DIAPH2: variants seen among roughly 807,000 people sequenced by gnomAD.
The protein encoded by DIAPH2 is diaphanous related formin 2.
Under a neutral mutation model 92.7 loss-of-function variants are expected in DIAPH2, and 35 were observed. The ratio of observed to expected loss-of-function variants is 0.38; its 90% CI spans 0.29 to 0.50. The LOEUF is 0.50. Among genes scored for constraint, DIAPH2 ranks in the 20% least tolerant of loss-of-function variants. The pLI is 0.94. For missense variants in DIAPH2, 701 were observed against 819.5 expected (o/e 0.86, Z 1.77); for synonymous variants, 301 against 280.4 (o/e 1.07, Z -0.73).
intron 23 of DIAPH2, among the ~76,000 whole-genome samples, chrX:97,334,840 G>T (rs1290833727): frequency 3.7e-5 from 4 of 107,313 alleles, no homozygotes; most frequent in Non-Finnish European, 7.7e-5. Flanking sequence ...AAATAGTCGG[G>T]TGTGGTGGCA....
intron 17 of DIAPH2, among the ~76,000 whole-genome samples, chrX:96,979,845 T>C (rs2065983399): frequency 8.9e-6 from 1 of 111,776 alleles, no homozygotes; most frequent in Non-Finnish European, 1.9e-5. Context: ...TGGCGGAAAC[T>C]GGAATGAGGG....
intron 23 of DIAPH2, among the ~76,000 whole-genome samples, chrX:97,332,699 A>T (rs756741080): frequency 3.6e-5 from 4 of 111,837 alleles, no homozygotes; most frequent in Non-Finnish European, 7.5e-5. Flanking sequence ...ATATGTACAT[A>T]TTCATTCCAA....
In DIAPH2 at chrX:96,962,338, C is replaced by CAT. The variant is rs59386635; in HGVS notation, c.1936-2743_1936-2742dup. Among the ~76,000 whole-genome samples the CAT allele has an allele frequency of 3.3e-3, 110 of 33,480 alleles. 3 individuals carry two copies. The South Asian group carries it at 0.076, about 23-fold the overall frequency. 29.1% of individuals were successfully genotyped at this position (33,480 alleles called of 115,157 possible). Reference sequence around the variant, plus strand: ...ATATATATATACACATATATATATACATATATATATATACACATATATATA... The same window carrying CAT: ...ATATATATATACACATATATATATACATATATATATATATACACATATATATA... On this transcript the variant is annotated intron_variant, in intron 16 of 26. Transcript: ENST00000324765.
intron 19 of DIAPH2, among the ~76,000 whole-genome samples, chrX:97,090,008 G>A (rs971424069): frequency 1.8e-5 from 2 of 112,415 alleles, no homozygotes; most frequent in African/African-American, 3.2e-5. Flanking sequence ...GATTACAGGC[G>A]TGAGCCACCG....
intron 22 of DIAPH2, among the ~76,000 whole-genome samples, chrX:97,172,430 G>T (rs2067461104): frequency 9.0e-6 from 1 of 111,598 alleles, no homozygotes; most frequent in South Asian, 3.8e-4. Context: ...TTGACAATCA[G>T]GAGTAGTCTC....
At chrX:96,839,174 G>A (rs1182294410) in intron 4 of DIAPH2, among the ~76,000 whole-genome samples, 1 of 111,303 alleles carries the variant, frequency 9.0e-6, no homozygotes, top group Admixed American at 9.6e-5. Flanking sequence ...GCTTAAGAAC[G>A]TGAGATTTGG....
intron 9 of DIAPH2, among the ~76,000 whole-genome samples, chrX:96,928,967 C>T (rs1332135531): frequency 9.0e-6 from 1 of 111,385 alleles, no homozygotes; most frequent in Non-Finnish European, 1.9e-5. Flanking sequence ...GATACAATTG[C>T]AGGACTCATT....
At chrX:97,488,658 T>C (rs779190603) in intron 26 of DIAPH2, among the ~76,000 whole-genome samples, 1 of 111,933 alleles carries the variant, frequency 8.9e-6, no homozygotes, top group East Asian at 2.8e-4. Flanking sequence ...TTTCATTCTT[T>C]TGCATGTCCA....
At position 97,318,372 on chromosome X, in the gene DIAPH2, C is replaced by T. The variant is rs182699958; in HGVS notation, c.2845-29744C>T. Reference sequence around the variant, plus strand: ...CAGGCTGGTCTCCAACTCCTGACCTCGTGATCCACCAGCCTCGGCCTCTCA... The same window carrying T: ...CAGGCTGGTCTCCAACTCCTGACCTTGTGATCCACCAGCCTCGGCCTCTCA... On this transcript the variant is annotated intron_variant, in intron 23 of 26. Transcript: ENST00000324765. Among the ~76,000 whole-genome samples, 838 of 109,018 alleles carry T rather than the reference C, an allele frequency of 7.7e-3. 32 individuals carry two copies. The highest frequency in any genetic ancestry group is 0.074 in the Admixed American group (737 of 10,016). The allele number at this position is 109,018 out of a possible 115,157, so 94.7% of individuals were successfully genotyped here.
intron 4 of DIAPH2, among the ~76,000 whole-genome samples, chrX:96,800,073 C>G (rs2147647915): frequency 9.0e-6 from 1 of 111,314 alleles, no homozygotes; most frequent in South Asian, 3.8e-4. Context: ...ATTTTATTCA[C>G]TAATAGCCAT....
chrX:97,387,997 A>G (rs1046216472), intron 25 of DIAPH2, among the ~76,000 whole-genome samples: 6 of 111,963 alleles, frequency 5.4e-5, no homozygotes, highest in African/African-American at 1.9e-4. Context: ...AACTAACCAT[A>G]TCGGCTTGGG....
At chrX:96,947,177 G>T (rs2065743179) in intron 14 of DIAPH2, among the ~76,000 whole-genome samples, 2 of 111,689 alleles carry the variant, frequency 1.8e-5, no homozygotes, top group South Asian at 7.5e-4. Context: ...CCCGTTTGCT[G>T]TGTTTGCAGA....
chrX:97,279,442 TACAGGTGCCC>T (rs1270281786), intron 23 of DIAPH2, among the ~76,000 whole-genome samples: 1 of 109,448 alleles, frequency 9.1e-6, no homozygotes, highest in Non-Finnish European at 1.9e-5. Flanking sequence ...TAGCTGGGAT[TACAGGTGCCC>T]ACCACCATAC....
chrX:96,955,693 C>A (rs1330098999), intron 15 of DIAPH2, among the ~76,000 whole-genome samples: 1 of 112,144 alleles, frequency 8.9e-6, no homozygotes, highest in Non-Finnish European at 1.9e-5. Context: ...AGGCCCCATG[C>A]AAGTCTAAAA....
chrX:97,294,071 C>T (rs1226733052), intron 23 of DIAPH2, among the ~76,000 whole-genome samples: 1 of 111,780 alleles, frequency 8.9e-6, no homozygotes, highest in Non-Finnish European at 1.9e-5. Flanking sequence ...ATATCTAGTC[C>T]ACCATTCACC....
At chrX:97,096,728 A>T (rs1478081111) in intron 19 of DIAPH2, among the ~76,000 whole-genome samples, 5 of 111,662 alleles carry the variant, frequency 4.5e-5, no homozygotes, top group Non-Finnish European at 7.5e-5. Flanking sequence ...AGTGCTCTTC[A>T]CACAGTTCTC....
intron 26 of DIAPH2, among the ~76,000 whole-genome samples, chrX:97,491,871 A>G (rs1056162435): frequency 1.5e-4 from 17 of 110,598 alleles, no homozygotes; most frequent in African/African-American, 5.6e-4. Context: ...TCTTTTGTGT[A>G]TCTTCTATAG....
At chrX:97,426,399 C>T (rs768350148) in intron 25 of DIAPH2, among the ~76,000 whole-genome samples, 1 of 110,052 alleles carries the variant, frequency 9.1e-6, no homozygotes, top group African/African-American at 3.3e-5. Flanking sequence ...AGCAATTCTC[C>T]TGTCTCAGCC....
At chrX:96,706,715 G>A (rs928796516) in intron 1 of DIAPH2, among the ~76,000 whole-genome samples, 3 of 111,562 alleles carry the variant, frequency 2.7e-5, no homozygotes, top group Non-Finnish European at 5.6e-5. Flanking sequence ...CCTGGATGGA[G>A]CATATGACAG....
Sources: gnomAD v4.1 joint callset for allele counts (sites outside exome capture counted in the v4.1 genomes callset) on GRCh38, gnomAD v4.1.1 for gene constraint, MANE v1.5 for transcripts, NCBI Gene and HGNC (gene_info 2026-07-23, HGNC 2026-07-21) for gene names.